ST6GALNAC3: variants seen among roughly 807,000 people sequenced by gnomAD.
ST6GALNAC3 encodes the protein ST6 N-acetylgalactosaminide alpha-2,6-sialyltransferase 3, also known as alpha-N-acetylgalactosaminide alpha-2,6-sialyltransferase 3.
Under a neutral mutation model 32.7 loss-of-function variants are expected in ST6GALNAC3, and 25 were observed. The ratio of observed to expected loss-of-function variants is 0.76; its 90% CI spans 0.56 to 1.07. ST6GALNAC3 has a LOEUF of 1.07. Among genes scored for constraint, ST6GALNAC3 ranks in the 50% least tolerant of loss-of-function variants. The probability of loss-of-function intolerance (pLI) is 0.00; values close to 1 mark genes in which losing one functional copy is unlikely to be tolerated. For synonymous variants in ST6GALNAC3, 129 were observed against 133.1 expected, an observed-to-expected ratio of 0.97 and a Z score of 0.21; for missense variants, 355 against 382.4, an observed-to-expected ratio of 0.93 and a Z score of 0.60.
intron 1 of ST6GALNAC3, among the ~76,000 whole-genome samples, chr1:76,252,068 C>T (rs756643820): frequency 1.3e-5 from 2 of 152,022 alleles, no homozygotes; most frequent in African/African-American, 2.4e-5. Flanking sequence ...TGGTGGGGAG[C>T]GTTGGTATGG....
intron 3 of ST6GALNAC3, among the ~76,000 whole-genome samples, chr1:76,603,047 T>C (rs555007856): frequency 1.3e-5 from 2 of 152,304 alleles, no homozygotes; most frequent in African/African-American, 4.8e-5. Context: ...CACTTTACAC[T>C]CACCAGATTG....
intron 3 of ST6GALNAC3, among the ~76,000 whole-genome samples, chr1:76,620,809 G>A (rs962304408): frequency 6.6e-6 from 1 of 152,000 alleles, no homozygotes; most frequent in Non-Finnish European, 1.5e-5. Flanking sequence ...ATATTGAGTG[G>A]TTAAGGAACC....
chr1:76,226,831 A>C (rs1312618616), intron 1 of ST6GALNAC3, among the ~76,000 whole-genome samples: 1 of 152,214 alleles, frequency 6.6e-6, no homozygotes, highest in South Asian at 2.1e-4. Context: ...CCCATTTCCA[A>C]TCACCTCCTC....
intron 2 of ST6GALNAC3, among the ~76,000 whole-genome samples, chr1:76,326,652 A>C (rs1647076316): frequency 6.6e-6 from 1 of 152,064 alleles, no homozygotes; most frequent in African/African-American, 2.4e-5. Flanking sequence ...AGCTTAAAAA[A>C]TGTTTGCTAA....
chr1:76,321,696 CT>C (rs1244116406), intron 2 of ST6GALNAC3, among the ~76,000 whole-genome samples: 9 of 152,160 alleles, frequency 5.9e-5, no homozygotes, highest in African/African-American at 1.7e-4. Flanking sequence ...CGCTGTCTAT[CT>C]TTCTGCTTAG....
chr1:76,480,470 T>A (rs1659650226), intron 3 of ST6GALNAC3, among the ~76,000 whole-genome samples: 1 of 152,164 alleles, frequency 6.6e-6, no homozygotes, highest in South Asian at 2.1e-4. Flanking sequence ...CGATGGAATT[T>A]GAAAATGATG....
rs116676074 is a variant in ST6GALNAC3, at chr1:76,436,611, T to C, written c.623+24194T>C. Among the ~76,000 whole-genome samples the C allele has an allele frequency of 1.4e-3, 214 of 152,304 alleles. 2 individuals carry two copies. Among genetic ancestry groups the C allele is most frequent in the African/African-American group, 4.9e-3 (203 of 41,584 alleles). Reference sequence around the variant, plus strand: ...CAAAAACATAAATGTTGGGGCTTTTTAAAGCATTTAATGAATCCTTAGTTT... The same window carrying C: ...CAAAAACATAAATGTTGGGGCTTTTCAAAGCATTTAATGAATCCTTAGTTT... On this transcript the variant is annotated intron_variant, in intron 3 of 4. Coordinates refer to ENST00000328299, the MANE Select transcript of ST6GALNAC3 (RefSeq NM_152996.4).
chr1:76,305,084 C>T (rs541405573), intron 1 of ST6GALNAC3, among the ~76,000 whole-genome samples: 5 of 152,072 alleles, frequency 3.3e-5, no homozygotes, highest in African/African-American at 1.2e-4. Context: ...TGAGTGAGGG[C>T]AACAGGTGGA....
chr1:76,252,973 G>A (rs1219483368), intron 1 of ST6GALNAC3, among the ~76,000 whole-genome samples: 1 of 152,120 alleles, frequency 6.6e-6, no homozygotes, highest in African/African-American at 2.4e-5. Context: ...GAATGCACTA[G>A]TGGGGGAGGT....
intron 2 of ST6GALNAC3, among the ~76,000 whole-genome samples, chr1:76,372,151 C>T (rs1450922878): frequency 6.6e-6 from 1 of 152,088 alleles, no homozygotes; most frequent in Non-Finnish European, 1.5e-5. Flanking sequence ...CATAAGTGTA[C>T]TTTGGCACCA....
chr1:76,202,472 A>T (rs1311537685), intron 1 of ST6GALNAC3, among the ~76,000 whole-genome samples: 1 of 152,116 alleles, frequency 6.6e-6, no homozygotes, highest in Non-Finnish European at 1.5e-5. Flanking sequence ...AAGAAGAGTG[A>T]AGAGCACCCC....
At chr1:76,514,401 G>A (rs956423089) in intron 3 of ST6GALNAC3, among the ~76,000 whole-genome samples, 5 of 152,082 alleles carry the variant, frequency 3.3e-5, no homozygotes, top group African/African-American at 1.2e-4. Flanking sequence ...CCTACCAAAG[G>A]TCATGTTGAA....
intron 1 of ST6GALNAC3, among the ~76,000 whole-genome samples, chr1:76,212,553 T>A (rs1477690088): frequency 2.0e-5 from 3 of 152,190 alleles, no homozygotes; most frequent in Non-Finnish European, 4.4e-5. Flanking sequence ...GCCTTAGTTT[T>A]TCAGGAAAAA....
chr1:76,625,320 A>T (rs1648896859), intron 3 of ST6GALNAC3, among the ~76,000 whole-genome samples: 1 of 151,960 alleles, frequency 6.6e-6, no homozygotes, highest in Non-Finnish European at 1.5e-5. Flanking sequence ...TGAAAAAGTG[A>T]ATAAATGAGT....
intron 1 of ST6GALNAC3, among the ~76,000 whole-genome samples, chr1:76,076,091 A>G (rs1326759281): frequency 6.6e-6 from 1 of 152,166 alleles, no homozygotes; most frequent in Non-Finnish European, 1.5e-5. Flanking sequence ...GTTTCAGAAC[A>G]TTTTCCAGGA....
At chr1:76,375,355 C>T (rs892313136) in intron 2 of ST6GALNAC3, among the ~76,000 whole-genome samples, 4 of 152,084 alleles carry the variant, frequency 2.6e-5, no homozygotes, top group African/African-American at 9.6e-5. Flanking sequence ...AGAAGGTGTT[C>T]TAGGTATTGG....
chr1:76,079,433 A>G (rs1646860222), intron 1 of ST6GALNAC3, among the ~76,000 whole-genome samples: 2 of 152,214 alleles, frequency 1.3e-5, no homozygotes, highest in African/African-American at 4.8e-5. Flanking sequence ...GTACACTTTC[A>G]TTTTTAAAAA....
intron 3 of ST6GALNAC3, among the ~76,000 whole-genome samples, chr1:76,441,759 C>T (rs537332987): frequency 7.2e-4 from 109 of 152,190 alleles, no homozygotes; most frequent in African/African-American, 2.6e-3. Context: ...CCACCTCCCC[C>T]CACCCTTCCA....
intron 1 of ST6GALNAC3, among the ~76,000 whole-genome samples, chr1:76,185,925 A>G (rs1653525661): frequency 6.6e-6 from 1 of 152,212 alleles, no homozygotes; most frequent in Non-Finnish European, 1.5e-5. Context: ...CGTGTTAGGT[A>G]TTATAAGTAA....
Sources: gnomAD v4.1 joint callset for allele counts (sites outside exome capture counted in the v4.1 genomes callset) on GRCh38, gnomAD v4.1.1 for gene constraint, MANE v1.5 for transcripts, NCBI Gene and HGNC (gene_info 2026-07-23, HGNC 2026-07-21) for gene names.